FAM178B: variants seen among roughly 807,000 people sequenced by gnomAD.
FAM178B encodes protein FAM178B.
A neutral mutation model predicts 91.7 loss-of-function variants in FAM178B; 82 were observed. That is an observed-to-expected ratio of 0.89 (90% confidence interval 0.75 to 1.07). FAM178B has a LOEUF of 1.07. FAM178B is among the 50% of genes least tolerant of loss of function. The pLI is 0.00. For synonymous variants in FAM178B, 368 were observed against 359.4 expected (o/e 1.02, Z -0.27); for missense variants, 769 against 846.7 (o/e 0.91, Z 1.14).
chr2:96,920,640 C>T (rs973958013), intron 12 of FAM178B, among the ~76,000 whole-genome samples: 12 of 152,098 alleles, frequency 7.9e-5, no homozygotes, highest in Admixed American at 6.6e-5. Flanking sequence ...CCGAACAGCA[C>T]GCTAGGCACT....
intron 13 of FAM178B, among the ~76,000 whole-genome samples, chr2:96,895,761 C>T (rs1225156720): frequency 6.6e-6 from 1 of 152,198 alleles, no homozygotes; most frequent in Non-Finnish European, 1.5e-5. Flanking sequence ...GGGGCTTGAG[C>T]CCTGCAGCCC....
chr2:96,906,620 T>C (rs1000919528), intron 12 of FAM178B, among the ~76,000 whole-genome samples: 2 of 152,000 alleles, frequency 1.3e-5, no homozygotes, highest in African/African-American at 4.8e-5. Context: ...GACTGAACCA[T>C]GGGATAACTA....
intron 14 of FAM178B, among the ~76,000 whole-genome samples, chr2:96,880,094 C>T (rs1037264614): frequency 3.0e-4 from 46 of 152,186 alleles, no homozygotes; most frequent in Admixed American, 1.2e-3. Flanking sequence ...GGCAACCATT[C>T]GGTCAGGAAA....
chr2:96,944,158 C>T (rs574545063), intron 8 of FAM178B, among the ~76,000 whole-genome samples: 12 of 145,674 alleles, frequency 8.2e-5, no homozygotes, highest in African/African-American at 2.8e-4. Context: ...AGGAGAATGG[C>T]GTGAACCCGG....
intron 1 of FAM178B, among the ~76,000 whole-genome samples, chr2:96,985,819 G>A (rs558744654): frequency 7.2e-5 from 11 of 152,174 alleles, no homozygotes; most frequent in Non-Finnish European, 1.5e-5. Flanking sequence ...AAGGAGATGC[G>A]TTCTACCCAC....
At chr2:96,961,342 C>T (rs896175197) in intron 5 of FAM178B, among the ~76,000 whole-genome samples, 2 of 99,736 alleles carry the variant, frequency 2.0e-5, no homozygotes, top group Admixed American at 9.3e-5. Flanking sequence ...TGTGTGTGTA[C>T]ACACACACAA....
chr2:96,960,181 C>T (rs1186231714), intron 6 of FAM178B, 107 bp downstream of exon 6: 2 of 1,245,322 alleles, frequency 1.6e-6, no homozygotes, highest in African/African-American at 3.1e-5. Flanking sequence ...TTGGCCTGAT[C>T]ACCTCTTCGA....
intron 12 of FAM178B, among the ~76,000 whole-genome samples, chr2:96,905,618 C>T (rs1313244691): frequency 6.7e-6 from 1 of 148,352 alleles, no homozygotes; most frequent in Non-Finnish European, 1.5e-5. Context: ...GATAGGATTG[C>T]TAGATTTAGC....
intron 1 of FAM178B, among the ~76,000 whole-genome samples, chr2:96,982,613 G>C (rs2153376578): frequency 6.6e-6 from 1 of 151,852 alleles, no homozygotes; most frequent in Non-Finnish European, 1.5e-5. Flanking sequence ...CTGTCATGTA[G>C]ACTGGAGTGC....
intron 13 of FAM178B, chr2:96,897,954 A>T: frequency 4.1e-6 from 4 of 985,410 alleles, no homozygotes; most frequent in Non-Finnish European, 4.8e-6. Context: ...CTTCAAGTTC[A>T]GTTCTCCAAC....
At position 96,983,470 on chromosome 2, in the gene FAM178B, G is replaced by T. The variant is rs532538289; in HGVS notation, c.73+2771C>A. Among the ~76,000 whole-genome samples the T allele has an allele frequency of 9.9e-5, 15 of 151,992 alleles. No homozygotes were observed. In the South Asian group the frequency reaches 2.7e-3, roughly 27 times the overall value. ...TTTTGAGACATAGTCTCGCTCTGCT[G>T]CCCAGACTCGGATGGTGTGATAACA... On this transcript the variant is annotated intron_variant, in intron 1 of 16. Transcript: ENST00000490605.
chr2:96,921,061 G>C, intron 12 of FAM178B, 104 bp downstream of exon 12: 1 of 861,848 alleles, frequency 1.2e-6, no homozygotes, highest in Non-Finnish European at 1.9e-6. Flanking sequence ...TTAGAAATTG[G>C]GCAGGGGAGG....
intron 14 of FAM178B, among the ~76,000 whole-genome samples, chr2:96,883,816 G>T (rs1162616085): frequency 2.0e-5 from 3 of 152,188 alleles, no homozygotes; most frequent in Admixed American, 6.5e-5. Context: ...GCCAGGGGGG[G>T]TCCTCTTGCT....
At chr2:96,925,838 T>A (rs899814761) in intron 9 of FAM178B, among the ~76,000 whole-genome samples, 5 of 152,246 alleles carry the variant, frequency 3.3e-5, no homozygotes, top group African/African-American at 1.2e-4. Context: ...CTGCATGGCA[T>A]TCTGACATTC....
At position 96,895,132 on chromosome 2, in the gene FAM178B, C is replaced by T. The variant is rs559616510; in HGVS notation, c.1651-1081G>A. The T allele has an allele frequency of 4.1e-4, 527 of 1,288,210 alleles. 4 individuals are homozygous for T. The South Asian group carries it at 6.1e-3, about 15-fold the overall frequency. 79.8% of individuals were successfully genotyped at this position (1,288,210 alleles called of 1,614,324 possible). On this transcript the variant is annotated intron_variant, in intron 13 of 16. Transcript: ENST00000490605. ...CAGCCCCTGCCTTCCACTCCCCTTC[C>T]CGCTCTTTTCCTTCCAGGGGATTTT...
chr2:96,907,186 G>A (rs758360324), intron 12 of FAM178B, among the ~76,000 whole-genome samples: 10 of 152,174 alleles, frequency 6.6e-5, no homozygotes, highest in African/African-American at 9.7e-5. Context: ...TCATCCTGAT[G>A]GCCCTCCCCG....
chr2:96,901,307 G>A (rs1182673367), intron 13 of FAM178B, among the ~76,000 whole-genome samples: 1 of 151,878 alleles, frequency 6.6e-6, no homozygotes, highest in Non-Finnish European at 1.5e-5. Flanking sequence ...CGAGTAGCTG[G>A]GATTACAGGC....
At chr2:96,909,647 A>G (rs989491261) in intron 12 of FAM178B, among the ~76,000 whole-genome samples, 2 of 152,196 alleles carry the variant, frequency 1.3e-5, no homozygotes, top group Non-Finnish European at 2.9e-5. Context: ...CGCAGTTAAC[A>G]GATTGAGCCC....
intron 13 of FAM178B, among the ~76,000 whole-genome samples, chr2:96,898,458 CA>C (rs1389206047): frequency 6.6e-6 from 1 of 152,122 alleles, no homozygotes; most frequent in East Asian, 1.9e-4. Context: ...AGTTTGTGAC[CA>C]CCCTTGTCAA....
Sources: gnomAD v4.1 joint callset for allele counts (sites outside exome capture counted in the v4.1 genomes callset) on GRCh38, gnomAD v4.1.1 for gene constraint, MANE v1.5 for transcripts, NCBI Gene and HGNC (gene_info 2026-07-23, HGNC 2026-07-21) for gene names.